HM13: variants seen among roughly 807,000 people sequenced by gnomAD.
HM13 encodes the protein signal peptide peptidase.
HM13 carries 18 observed loss-of-function variants against 50.0 expected under a neutral mutation model. The ratio of observed to expected loss-of-function variants is 0.36; its 90% CI spans 0.25 to 0.53. The LOEUF is 0.53. Among genes scored for constraint, HM13 ranks in the 20% least tolerant of loss-of-function variants. The pLI is 0.90. For synonymous variants in HM13, 197 were observed against 232.6 expected, an observed-to-expected ratio of 0.85 and a Z score of 1.39; for missense variants, 393 against 552.4, an observed-to-expected ratio of 0.71 and a Z score of 2.89.
At chr20:31,548,361 A>C (rs1199948457) in intron 4 of HM13, 1 of 256,474 alleles carries the variant, frequency 3.9e-6, no homozygotes, top group Non-Finnish European at 7.5e-6. Context: ...ATGGTCTAAC[A>C]TCAAGATGTC....
intron 8 of HM13, among the ~76,000 whole-genome samples, chr20:31,557,051 C>T (rs1263370233): frequency 6.6e-6 from 1 of 151,172 alleles, no homozygotes; most frequent in African/African-American, 2.4e-5. Context: ...GTGCTAGGTA[C>T]TTTTTATATG....
Position 31,565,720 on chromosome 20 carries a change from A to G in HM13, c.949-490A>G, listed in dbSNP as rs940580960. 2.0e-5 allele frequency among the ~76,000 whole-genome samples: 3 copies of G among 152,248 alleles called. No individual in the cohort carries two copies. The East Asian group carries it at 5.8e-4, about 29-fold the overall frequency. On this transcript the variant is annotated intron_variant, in intron 10 of 12. Coordinates refer to ENST00000398174, the MANE Select transcript of HM13 (RefSeq NM_178581.3). ...CCAGGAGTCTCAGCACAGACATGCC[A>G]AATTGCTTGGGTGTGAATCCTGGGG... is the stretch of plus-strand genomic sequence containing the variant.
chr20:31,524,744 C>T (rs376996686), intron 1 of HM13, among the ~76,000 whole-genome samples: 8 of 134,434 alleles, frequency 6.0e-5, no homozygotes, highest in African/African-American at 1.7e-4. Flanking sequence ...GATGGAGTCT[C>T]GCTCTGTCGC....
rs141314656 is a variant in HM13 at position 31,548,959 on chromosome 20, G to A, written c.455-70G>A. 3.0e-3 allele frequency: 4,083 copies of A among 1,360,238 alleles called. 10 individuals carry two copies. The highest frequency in any genetic ancestry group is 3.6e-3 in the Non-Finnish European group (3,452 of 949,190). 84.3% of individuals were successfully genotyped at this position (1,360,238 alleles called of 1,614,324 possible). A position where few individuals can be genotyped will look rare whatever the true frequency, so the allele number is the denominator to read the frequency against. On this transcript the variant is annotated intron_variant, in intron 4 of 12. Coordinates refer to ENST00000398174, the MANE Select transcript of HM13 (RefSeq NM_178581.3). ...AGTGCCCACAGCCATGCCCTCCTCC[G>A]TCCAGGGGCTGACAGGTGGGAGGGG...
At chr20:31,521,996 A>G (rs1295573472) in intron 1 of HM13, among the ~76,000 whole-genome samples, 1 of 151,636 alleles carries the variant, frequency 6.6e-6, no homozygotes, top group African/African-American at 2.4e-5. Flanking sequence ...CTGACTCAGC[A>G]TTGCAGCATG....
At chr20:31,548,694 C>A in intron 4 of HM13, 1 of 362,590 alleles carries the variant, frequency 2.8e-6, no homozygotes, top group Non-Finnish European at 5.2e-6. Flanking sequence ...AACTGAAGCT[C>A]AGAGAGGGCA....
intron 8 of HM13, among the ~76,000 whole-genome samples, chr20:31,555,186 C>G (rs1238540921): frequency 6.6e-6 from 1 of 152,210 alleles, no homozygotes; most frequent in East Asian, 1.9e-4. Flanking sequence ...GGACCCCTGT[C>G]ACACACACCC....
chr20:31,537,972 C>T lies in HM13; in HGVS notation c.283-207C>T, dbSNP rs143033692. The stretch of plus-strand genomic sequence containing the variant: ...AAATGTAAACTTACAAACCCCTTTG[C>T]GAGGTACAGCTGGGGGCTTGAGGTT... On this transcript the variant is annotated intron_variant, in intron 2 of 12. Coordinates refer to ENST00000398174, the MANE Select transcript of HM13 (RefSeq NM_178581.3). Among the ~76,000 whole-genome samples, 16 of 152,272 alleles carry T rather than the reference C, an allele frequency of 1.1e-4. 1 individual carries two copies. In the East Asian group the frequency reaches 3.1e-3, roughly 29 times the overall value.
In HM13 at chr20:31,523,044, G is replaced by GGC. The variant is rs1555838857; in HGVS notation, c.184-4439_184-4438insCG. On this transcript the variant is annotated intron_variant, in intron 1 of 12. Coordinates refer to ENST00000398174, the MANE Select transcript of HM13 (RefSeq NM_178581.3). The stretch of plus-strand genomic sequence containing the variant: ...TAATAGCCTGTTTGGGGTTTTTTTT[G>GGC]GGAGGGGGGCTTTTTTTTTTTTATG... Among the ~76,000 whole-genome samples, 7 of 84,960 alleles carry GGC rather than the reference G, an allele frequency of 8.2e-5. 1 individual carries two copies. The African/African-American group carries it at 9.0e-4, about 11-fold the overall frequency. 55.7% of individuals were successfully genotyped at this position (84,960 alleles called of 152,430 possible).
At chr20:31,561,769 C>A in intron 10 of HM13, 33 bp downstream of exon 10, 1 of 1,408,812 alleles carries the variant, frequency 7.1e-7, no homozygotes, top group Non-Finnish European at 1.0e-6. Flanking sequence ...GTCAGGAATG[C>A]CTCACTGCAA....
At chr20:31,552,984 T>G (rs1377524222) in intron 7 of HM13, among the ~76,000 whole-genome samples, 1 of 151,372 alleles carries the variant, frequency 6.6e-6, no homozygotes, top group Non-Finnish European at 1.5e-5. Context: ...CAAATATATA[T>G]GTATATATGT....
chr20:31,546,118 T>C (rs950643600), intron 4 of HM13, among the ~76,000 whole-genome samples: 4 of 150,008 alleles, frequency 2.7e-5, no homozygotes, highest in African/African-American at 9.9e-5. Context: ...GGCACAATCT[T>C]GGCTCACTGC....
chr20:31,555,204 C>T (rs1221320332), intron 8 of HM13, among the ~76,000 whole-genome samples: 1 of 152,216 alleles, frequency 6.6e-6, no homozygotes, highest in Non-Finnish European at 1.5e-5. Flanking sequence ...CCCACACATA[C>T]ACATACCCCT....
Position 31,555,824 on chromosome 20 carries a change from GC to G in HM13, c.808+997del, listed in dbSNP as rs71336544. Among the ~76,000 whole-genome samples, 492 of 151,258 alleles carry G rather than the reference GC, an allele frequency of 3.3e-3. 2 individuals carry two copies. Among genetic ancestry groups the G allele is most frequent in the Middle Eastern group, 0.014 (4 of 294 alleles). ...TCTCTACAAAAAAAAAAAAAAATTA[GC>G]CAGTCGTGGTGGCTCATGCCTGTAG... On this transcript the variant is annotated intron_variant, in intron 8 of 12. Coordinates refer to ENST00000398174, the MANE Select transcript of HM13 (RefSeq NM_178581.3).
In HM13 at chr20:31,569,097, GTTGT is replaced by G; in HGVS notation, c.1182-20_1182-17del. The G allele has an allele frequency of 1.4e-6, 2 of 1,425,620 alleles. No individual in the cohort carries two copies. Among genetic ancestry groups the G allele is most frequent in the South Asian group, 1.2e-5 (1 of 80,178 alleles). The allele number at this position is 1,425,620 out of a possible 1,614,324, so 88.3% of individuals were successfully genotyped here. A position where few individuals can be genotyped will look rare whatever the true frequency, so the allele number is the denominator to read the frequency against. ...CCTCTCCTCTAAATGAATTTTTATT[GTTGT>G]TTTTTTTTTTTTGGTCAGTTATGAG... On this transcript the variant is annotated intron_variant, in intron 12 of 12. Transcript: ENST00000398174.
Position 31,554,810 on chromosome 20 carries a change from T to C in HM13, c.789T>C (p.Leu263=), listed in dbSNP as rs781179178. Reference sequence around the variant, plus strand: ...CAAACAACTTTGCCATGCTGGGACTTGGAGATGTCGTCATTCCAGGTGAGC... The same window carrying C: ...CAAACAACTTTGCCATGCTGGGACTCGGAGATGTCGTCATTCCAGGTGAGC... ...LEANNFAMLG[L]GDVVIPGIFI... is the part of the protein sequence containing the mutation. The change falls in exon 8 of 13, where the codon CTT becomes CTC. Residue 263 remains leucine, a synonymous_variant. Coordinates refer to ENST00000398174, the MANE Select transcript of HM13 (RefSeq NM_178581.3). 26 of 1,613,994 alleles carry C rather than the reference T, an allele frequency of 1.6e-5. No homozygotes were observed. Among genetic ancestry groups the C allele is most frequent in the Non-Finnish European group, 2.2e-5 (26 of 1,179,962 alleles).
At chr20:31,543,566 C>T (rs1447524707) in intron 3 of HM13, among the ~76,000 whole-genome samples, 1 of 151,918 alleles carries the variant, frequency 6.6e-6, no homozygotes, top group East Asian at 2.0e-4. Flanking sequence ...GGATTACAGG[C>T]GTGAGCCACT....
At chr20:31,544,397 G>T (rs1983603939) in intron 3 of HM13, among the ~76,000 whole-genome samples, 1 of 152,236 alleles carries the variant, frequency 6.6e-6, no homozygotes, top group Non-Finnish European at 1.5e-5. Context: ...AGGAGTGAAT[G>T]TGATGGTGAT....
chr20:31,552,207 T>A (rs1157457112), intron 7 of HM13, among the ~76,000 whole-genome samples: 1 of 152,128 alleles, frequency 6.6e-6, no homozygotes, highest in Non-Finnish European at 1.5e-5. Flanking sequence ...GGAAAATCTT[T>A]TCTGGGTCAT....
Sources: gnomAD v4.1 joint callset for allele counts (sites outside exome capture counted in the v4.1 genomes callset) on GRCh38, gnomAD v4.1.1 for gene constraint, MANE v1.5 for transcripts, NCBI Gene and HGNC (gene_info 2026-07-23, HGNC 2026-07-21) for gene names.